Variants in MYH11 observed in about 807,000 individuals in gnomAD.
MYH11 encodes myosin heavy chain 11, also known as myosin-11.
MYH11 carries 80 observed loss-of-function variants against 246.6 expected under a neutral mutation model. The ratio of observed to expected loss-of-function variants is 0.32; its 90% CI spans 0.27 to 0.39. The LOEUF is 0.39. Ranked by LOEUF, MYH11 falls within the 10% of genes least tolerant of loss-of-function variation. The probability of loss-of-function intolerance (pLI) is 1.00; values close to 1 mark genes in which losing one functional copy is unlikely to be tolerated. For missense variants in MYH11, 2,158 were observed against 2,546.8 expected, an observed-to-expected ratio of 0.85 and a Z score of 3.29; for synonymous variants, 1,071 against 1,015.5, an observed-to-expected ratio of 1.05 and a Z score of -1.04.
chr16:15,814,140 C>CAAAAA (rs752834891), intron 3 of MYH11, among the ~76,000 whole-genome samples: 66 of 104,068 alleles, frequency 6.3e-4, no homozygotes, highest in African/African-American at 1.0e-3. Flanking sequence ...CTCCATCCCC[C>CAAAAA]AAAAAAAAAC....
chr16:15,763,741 T>TCGGGCCCCCCCCC, intron 10 of MYH11, 55 bp downstream of exon 10: 2 of 646,852 alleles, frequency 3.1e-6, no homozygotes, highest in Non-Finnish European at 5.8e-6. Context: ...AAATGTCACC[T>TCGGGCCCCCCCCC]CCCCCACCCC....
intron 6 of MYH11, among the ~76,000 whole-genome samples, chr16:15,781,587 T>A (rs758676951): frequency 1.3e-5 from 2 of 152,200 alleles, no homozygotes; most frequent in Non-Finnish European, 2.9e-5. Context: ...TTTTGCACAA[T>A]AAAACCATTG....
At chr16:15,772,409 A>G (rs1266703285) in intron 8 of MYH11, among the ~76,000 whole-genome samples, 2 of 152,166 alleles carry the variant, frequency 1.3e-5, no homozygotes, top group Admixed American at 6.5e-5. Flanking sequence ...TGTATTTATA[A>G]AATTTTTATC....
In MYH11 at chr16:15,738,668, C is replaced by G. The variant is rs1469418234; in HGVS notation, c.3018G>C (p.Glu1006Asp). Reference protein sequence around the residue: ...KLSKERKLLEERISDLTTNLA... With the variant: ...KLSKERKLLEDRISDLTTNLA... ...GATTTGTCGTTAAGTCACTAATCCT[C>G]TCCTCAAGGAGTTTTCGTTCCTTTT... Residue 1006 changes from glutamate (E) to aspartate (D), a missense_variant, in exon 24 of 41, where the codon GAG becomes GAC. By Grantham distance (45) the Glu-to-Asp change is conservative (BLOSUM62 2). Transcript: ENST00000300036. 2 of 1,613,894 alleles carry G rather than the reference C, an allele frequency of 1.2e-6. No homozygotes were observed. Among genetic ancestry groups the G allele is most frequent in the South Asian group, 1.1e-5 (1 of 91,046 alleles).
At chr16:15,833,505 A>C (rs943853028) in intron 2 of MYH11, among the ~76,000 whole-genome samples, 2 of 152,086 alleles carry the variant, frequency 1.3e-5, no homozygotes, top group African/African-American at 4.8e-5. Flanking sequence ...CGTCAAAGCC[A>C]TGCTCCCCGC....
chr16:15,739,449 C>G (rs2041211094), intron 23 of MYH11, among the ~76,000 whole-genome samples: 1 of 152,118 alleles, frequency 6.6e-6, no homozygotes, highest in East Asian at 1.9e-4. Context: ...GCCCTGATCA[C>G]CATGGTAAAT....
At chr16:15,793,019 G>A (rs1475493571) in intron 4 of MYH11, among the ~76,000 whole-genome samples, 1 of 152,166 alleles carries the variant, frequency 6.6e-6, no homozygotes, top group Non-Finnish European at 1.5e-5. Flanking sequence ...ACAGGCATGA[G>A]CCACCATGCC....
At chr16:15,804,505 G>C (rs35773266) in intron 3 of MYH11, among the ~76,000 whole-genome samples, 8,577 of 152,238 alleles carry the variant, frequency 0.056, 336 homozygotes, top group Middle Eastern at 0.11. Context: ...CTGGGTGACA[G>C]AGGGAGACTC....
chr16:15,839,419 G>A (rs183842451), intron 1 of MYH11, among the ~76,000 whole-genome samples: 1,965 of 151,806 alleles, frequency 0.013, 49 homozygotes, highest in African/African-American at 0.042. Context: ...GCGGCCGGGC[G>A]CGGTGGCTCA....
At chr16:15,749,218 C>T (rs1340003881) in intron 16 of MYH11, 1 of 150,468 alleles carries the variant, frequency 6.6e-6, no homozygotes, top group African/African-American at 2.5e-5. Context: ...GGTGCAATCT[C>T]AGCTCACTGC....
chr16:15,769,639 G>A (rs2042055676), intron 9 of MYH11, among the ~76,000 whole-genome samples: 1 of 152,212 alleles, frequency 6.6e-6, no homozygotes, highest in Admixed American at 6.5e-5. Flanking sequence ...ATGTTGCCCA[G>A]GTTAGTCTCA....
At chr16:15,823,004 A>T (rs216156) in intron 3 of MYH11, among the ~76,000 whole-genome samples, 16 of 152,138 alleles carry the variant, frequency 1.1e-4, no homozygotes, top group Non-Finnish European at 2.2e-4. Flanking sequence ...CCCGACGGGG[A>T]CCTTGGGCAG....
chr16:15,836,783 G>A (rs1444798909), intron 2 of MYH11, among the ~76,000 whole-genome samples: 1 of 128,946 alleles, frequency 7.8e-6, no homozygotes, highest in Non-Finnish European at 1.6e-5. Context: ...GGAGTGCAAC[G>A]GCACCATCTC....
At chr16:15,766,376 TGTGTGTGTGTGTGA>T (rs1197194174) in intron 9 of MYH11, among the ~76,000 whole-genome samples, 31 of 146,274 alleles carry the variant, frequency 2.1e-4, no homozygotes, top group Middle Eastern at 3.5e-3. Flanking sequence ...TGTGTGTGTG[TGTGTGTGTGTGTGA>T]GACTGAGTCT....
intron 3 of MYH11, among the ~76,000 whole-genome samples, chr16:15,809,016 C>G (rs927629295): frequency 6.6e-6 from 1 of 152,178 alleles, no homozygotes; most frequent in Non-Finnish European, 1.5e-5. Context: ...TCCCCCTTCT[C>G]TCTGCTCCAG....
In MYH11 at chr16:15,735,413, T is replaced by C. The variant is rs1296430128; in HGVS notation, c.3459A>G (p.Thr1153=). ...DLGEELEALK[T]ELEDTLDSTA... is the part of the protein sequence containing the mutation. ...TGCTGTCCAGTGTGTCTTCCAGCTC[T>C]GTCTTTAGGGCCTCCAGCTCCTCGC... The change falls in exon 26 of 41, where the codon ACA becomes ACG. Residue 1153 remains threonine, a synonymous_variant. Transcript: ENST00000300036. The C allele has an allele frequency of 6.2e-7, 1 of 1,613,956 alleles. No homozygotes were observed. The highest frequency in any genetic ancestry group is 8.5e-7 in the Non-Finnish European group (1 of 1,180,022).
chr16:15,788,485 C>T (rs1369676425), intron 4 of MYH11, among the ~76,000 whole-genome samples: 1 of 151,618 alleles, frequency 6.6e-6, no homozygotes, highest in East Asian at 1.9e-4. Flanking sequence ...ATTTTCTCTG[C>T]CAAAGGCCCA....
At chr16:15,761,304 A>C (rs952444715) in intron 10 of MYH11, among the ~76,000 whole-genome samples, 1 of 152,112 alleles carries the variant, frequency 6.6e-6, no homozygotes, top group African/African-American at 2.4e-5. Flanking sequence ...GTTGAGATGG[A>C]GTTACACCGT....
intron 9 of MYH11, among the ~76,000 whole-genome samples, chr16:15,764,313 A>C (rs2041933947): frequency 6.6e-6 from 1 of 152,184 alleles, no homozygotes; most frequent in African/African-American, 2.4e-5. Context: ...GCCACAGAAC[A>C]GTGAGAATGA....
Sources: gnomAD v4.1 joint callset for allele counts (sites outside exome capture counted in the v4.1 genomes callset) on GRCh38, gnomAD v4.1.1 for gene constraint, MANE v1.5 for transcripts, NCBI Gene and HGNC (gene_info 2026-07-23, HGNC 2026-07-21) for gene names.